PRMT7: variants seen among roughly 807,000 people sequenced by gnomAD.
PRMT7 encodes the protein protein arginine methyltransferase 7.
Under a neutral mutation model 85.4 loss-of-function variants are expected in PRMT7, and 75 were observed. The observed-to-expected ratio is 0.88, with a 90% confidence interval of 0.73 to 1.06. The LOEUF is 1.06. PRMT7 is among the 50% of genes least tolerant of loss of function. The probability of loss-of-function intolerance (pLI) is 0.00; values close to 1 mark genes in which losing one functional copy is unlikely to be tolerated. For missense variants in PRMT7, 868 were observed against 915.2 expected (o/e 0.95, Z 0.67); for synonymous variants, 397 against 359.5 (o/e 1.10, Z -1.18).
intron 5 of PRMT7, among the ~76,000 whole-genome samples, chr16:68,325,497 A>G (rs2083002268): frequency 6.7e-6 from 1 of 150,214 alleles, no homozygotes; most frequent in African/African-American, 2.5e-5. Flanking sequence ...TCTCAAAAAA[A>G]TCAAAACGAA....
intron 7 of PRMT7, among the ~76,000 whole-genome samples, chr16:68,337,811 C>T (rs184872713): frequency 6.6e-6 from 1 of 152,320 alleles, no homozygotes; most frequent in Admixed American, 6.5e-5. Context: ...CAGTTAAGTT[C>T]AGCAAATATT....
At chr16:68,344,933 T>TACACACACACACACACACACACATACAC (rs2086106200) in intron 9 of PRMT7, among the ~76,000 whole-genome samples, 1 of 131,130 alleles carries the variant, frequency 7.6e-6, no homozygotes, top group Non-Finnish European at 1.6e-5. Context: ...CCTGCATCTC[T>TACACACACACACACACACACACATACAC]ACACACACAC....
At chr16:68,323,232 T>C (rs2082713593) in intron 4 of PRMT7, among the ~76,000 whole-genome samples, 1 of 151,612 alleles carries the variant, frequency 6.6e-6, no homozygotes. Context: ...TTTTTTTTTT[T>C]TTAACAAGAA....
chr16:68,331,467 TTC>T lies in PRMT7; in HGVS notation c.391+2295_391+2296del, dbSNP rs200754016. ...ACTTTTCATTTCTCTTTCTTTGTTG[TTC>T]TTTTTTTTTTTTTTTTGAGACAGGA... On this transcript the variant is annotated intron_variant, in intron 6 of 18. Transcript: ENST00000441236. 3.9e-3 allele frequency among the ~76,000 whole-genome samples: 577 copies of T among 147,496 alleles called. 9 individuals are homozygous for T. The highest frequency in any genetic ancestry group is 0.011 in the Middle Eastern group (3 of 274).
chr16:68,337,922 G>A (rs891212914), intron 7 of PRMT7, among the ~76,000 whole-genome samples: 1 of 152,196 alleles, frequency 6.6e-6, no homozygotes, highest in African/African-American at 2.4e-5. Context: ...CGTGCTAGAC[G>A]TGAGACTGAA....
chr16:68,356,835 C>T (rs1265946169), intron 18 of PRMT7, 38 bp downstream of exon 18: 5 of 1,570,314 alleles, frequency 3.2e-6, no homozygotes, highest in Non-Finnish European at 4.3e-6. Flanking sequence ...GCGTGCAGAC[C>T]CTGAGAGCAG....
chr16:68,328,450 C>T (rs1320325835), intron 5 of PRMT7: 1 of 148,848 alleles, frequency 6.7e-6, no homozygotes, highest in Non-Finnish European at 1.5e-5. Flanking sequence ...TCTCAGCTCC[C>T]GTGGCCTGTT....
intron 3 of PRMT7, among the ~76,000 whole-genome samples, chr16:68,319,730 G>GTGTGTGTGTGTC (rs763273871): frequency 4.0e-5 from 6 of 151,510 alleles, no homozygotes; most frequent in Admixed American, 6.6e-5. Flanking sequence ...GTGTGTGTGT[G>GTGTGTGTGTGTC]TGTGTGTGTG....
At chr16:68,317,825 CTG>C (rs2082041354) in intron 3 of PRMT7, among the ~76,000 whole-genome samples, 1 of 120,102 alleles carries the variant, frequency 8.3e-6, no homozygotes, top group Non-Finnish European at 1.7e-5. Context: ...GAGCTAAACT[CTG>C]TCTCAAAAAA....
chr16:68,340,371 C>T (rs1200207126), intron 9 of PRMT7, among the ~76,000 whole-genome samples: 1 of 152,140 alleles, frequency 6.6e-6, no homozygotes, highest in Non-Finnish European at 1.5e-5. Flanking sequence ...GGACATGAAA[C>T]ACAGAAAAGG....
At chr16:68,323,055 CACATA>C (rs973810796) in intron 4 of PRMT7, among the ~76,000 whole-genome samples, 39 of 151,892 alleles carry the variant, frequency 2.6e-4, no homozygotes, top group African/African-American at 9.2e-4. Context: ...GTGGTAAAAA[CACATA>C]ACATAAACGG....
chr16:68,342,779 G>GTT (rs998723252), intron 9 of PRMT7, among the ~76,000 whole-genome samples: 4 of 152,202 alleles, frequency 2.6e-5, no homozygotes, highest in African/African-American at 9.7e-5. Context: ...GTGTGTGTGT[G>GTT]TCCAGCCAGG....
chr16:68,316,163 G>C lies in PRMT7; in HGVS notation c.95+89G>C, dbSNP rs2081828247. 3 of 1,139,088 alleles carry C rather than the reference G, an allele frequency of 2.6e-6. No individual in the cohort carries two copies. The East Asian group carries it at 7.2e-5, about 27-fold the overall frequency. 70.6% of individuals were successfully genotyped at this position (1,139,088 alleles called of 1,614,324 possible). On this transcript the variant is annotated intron_variant, in intron 3 of 18. Coordinates refer to ENST00000441236, the MANE Select transcript of PRMT7 (RefSeq NM_019023.5). ...TGGGCTCCAGTCTGAGCGTGGGCTA[G>C]GCTGTCACCCAGTGCTTATGATGAG...
At position 68,324,811 on chromosome 16, in the gene PRMT7, C is replaced by G. The variant is rs751233188; in HGVS notation, c.261C>G (p.Ala87=). The G allele has an allele frequency of 6.2e-7, 1 of 1,614,088 alleles. No homozygotes were observed. The highest frequency in any genetic ancestry group is 8.5e-7 in the Non-Finnish European group (1 of 1,180,010). The change falls in exon 5 of 19, where the codon GCC becomes GCG. Residue 87 remains alanine, a synonymous_variant. Coordinates refer to ENST00000441236, the MANE Select transcript of PRMT7 (RefSeq NM_019023.5). Reference sequence around the variant, plus strand: ...CAATGATGGCGGTCACAGCAGGTGCCGACTTCTGCTATGCCATCGAGGTAA... The same window carrying G: ...CAATGATGGCGGTCACAGCAGGTGCGGACTTCTGCTATGCCATCGAGGTAA... ...LLSMMAVTAG[A]DFCYAIEVFK...
At position 68,345,662 on chromosome 16, in the gene PRMT7, T is replaced by C; in HGVS notation, c.928-13T>C. On this transcript the variant is annotated splice_polypyrimidine_tract_variant and intron_variant, in intron 9 of 18. Transcript: ENST00000441236. Reference sequence around the variant, plus strand: ...TGCAGCTCGTTGACAGCTGACTCTGTTCTCCGTTTCAGTGGCGGGACCACT... The same window carrying C: ...TGCAGCTCGTTGACAGCTGACTCTGCTCTCCGTTTCAGTGGCGGGACCACT... 6.2e-7 allele frequency: 1 copy of C among 1,613,358 alleles called. No individual in the cohort carries two copies. Among genetic ancestry groups the C allele is most frequent in the East Asian group, 2.2e-5 (1 of 44,876 alleles).
intron 6 of PRMT7, among the ~76,000 whole-genome samples, chr16:68,334,845 G>C (rs904646853): frequency 6.6e-6 from 1 of 151,910 alleles, no homozygotes; most frequent in African/African-American, 2.4e-5. Context: ...CACCCAAGAT[G>C]GAGTATGGTG....
rs534198660 is a variant in PRMT7 at position 68,348,994 on chromosome 16, C to G, written c.1413+563C>G. Reference sequence around the variant, plus strand: ...TCCTTCAGGTCAGGACAGAGCAGCTCTCTTGGGGTTCCTAGGAGCAGAGCA... The same window carrying G: ...TCCTTCAGGTCAGGACAGAGCAGCTGTCTTGGGGTTCCTAGGAGCAGAGCA... On this transcript the variant is annotated intron_variant, in intron 14 of 18. Transcript: ENST00000441236. Among the ~76,000 whole-genome samples the G allele has an allele frequency of 1.2e-4, 19 of 152,224 alleles. No homozygotes were observed. The East Asian group carries it at 3.5e-3, about 28-fold the overall frequency.
rs764463683 is a variant in PRMT7, at chr16:68,337,551, G to A, written c.484G>A (p.Ala162Thr). The change falls in exon 7 of 19, where the codon GCA (alanine) becomes ACA (threonine). Residue 162 changes from alanine (A) to threonine (T), a missense_variant. By Grantham distance (58) the Ala-to-Thr change is moderately conservative. Coordinates refer to ENST00000441236, the MANE Select transcript of PRMT7 (RefSeq NM_019023.5). ...GEGALPSYEHAHRHLVEENCE... is the reference protein window; with the variant it reads ...GEGALPSYEHTHRHLVEENCE... ...GGGGGCGCTGCCCTCCTATGAGCAC[G>A]CACACAGGCATCTCGTGGAGGTAGT... The A allele has an allele frequency of 8.1e-6, 13 of 1,607,592 alleles. No homozygotes were observed. The highest frequency in any genetic ancestry group is 1.7e-4 in the Middle Eastern group (1 of 6,056).
chr16:68,329,055 C>G lies in PRMT7; in HGVS notation c.283-11C>G. ...GCTCATTTTTCCTTGGGTTTCGGCT[C>G]TATTTTCTAGGTTTTCAAGCCTATG... On this transcript the variant is annotated splice_polypyrimidine_tract_variant and intron_variant, in intron 5 of 18. Transcript: ENST00000441236. 1 of 1,583,648 alleles carries G rather than the reference C, an allele frequency of 6.3e-7. No individual in the cohort carries two copies. The highest frequency in any genetic ancestry group is 8.7e-7 in the Non-Finnish European group (1 of 1,152,696).
Sources: allele counts gnomAD v4.1 joint callset (sites outside exome capture counted in the v4.1 genomes callset), GRCh38; gene constraint gnomAD v4.1.1; transcripts MANE v1.5; gene names NCBI Gene and HGNC (gene_info 2026-07-23, HGNC 2026-07-21).